PVR: variants seen among roughly 807,000 people sequenced by gnomAD.
PVR encodes PVR cell adhesion molecule.
A neutral mutation model predicts 43.3 loss-of-function variants in PVR; 39 were observed. That is an observed-to-expected ratio of 0.90 (90% CI 0.70 to 1.18). PVR has a LOEUF of 1.18. Ranked by LOEUF, PVR falls within the 50% of genes most tolerant of loss-of-function variation. The pLI is 0.00. For synonymous variants in PVR, 224 were observed against 233.2 expected (o/e 0.96, Z 0.36); for missense variants, 480 against 549.7 (o/e 0.87, Z 1.27).
intron 2 of PVR, among the ~76,000 whole-genome samples, chr19:44,649,218 G>T (rs1345131285): frequency 2.6e-5 from 4 of 152,042 alleles, no homozygotes; most frequent in Admixed American, 2.6e-4. Context: ...GGCTATTTTG[G>T]TCACTGCTGG....
At chr19:44,647,912 C>T (rs1973175951) in intron 2 of PVR, among the ~76,000 whole-genome samples, 1 of 151,986 alleles carries the variant, frequency 6.6e-6, no homozygotes, top group African/African-American at 2.4e-5. Flanking sequence ...CTTCTGGGTC[C>T]CTCCTTTCCT....
In PVR at chr19:44,664,869, C is replaced by T. The variant is rs930639362; in HGVS notation, c.*3058C>T. On this transcript the variant is annotated 3_prime_UTR_variant, in exon 8 of 8. Coordinates refer to ENST00000425690, the MANE Select transcript of PVR (RefSeq NM_006505.5). ...CTGGCCAATGCACACTGTCATTTAG[C>T]TCATGTTAACACCTGAGTGTAGGAC... 1.1e-4 allele frequency: 17 copies of T among 152,082 alleles called. No homozygotes were observed. The highest frequency in any genetic ancestry group is 4.1e-4 in the African/African-American group (17 of 41,412). The allele number at this position is 152,082 out of a possible 1,614,324, so 9.4% of individuals were successfully genotyped here.
chr19:44,654,045 G>A (rs1321320523), intron 4 of PVR, 28 bp downstream of exon 4: 3 of 1,549,908 alleles, frequency 1.9e-6, no homozygotes, highest in Non-Finnish European at 2.7e-6. Flanking sequence ...GGGAGGAGGG[G>A]CTGGGGGTCT....
Position 44,643,925 on chromosome 19 carries a change from G to T in PVR, c.-172G>T, listed in dbSNP as rs1972997005. 1 of 549,206 alleles carries T rather than the reference G, an allele frequency of 1.8e-6. No individual in the cohort carries two copies. Among genetic ancestry groups the T allele is most frequent in the Non-Finnish European group, 3.1e-6 (1 of 320,696 alleles). The allele number at this position is 549,206 out of a possible 1,614,324, so 34.0% of individuals were successfully genotyped here. ...CCTCCGCTCCAGTCACTTGTCTGGA[G>T]CTTGAAGAAGTGGGTATTCCCCTTC... On this transcript the variant is annotated 5_prime_UTR_variant, in exon 1 of 8. Coordinates refer to ENST00000425690, the MANE Select transcript of PVR (RefSeq NM_006505.5).
Position 44,663,952 on chromosome 19 carries a change from C to T in PVR, c.*2141C>T, listed in dbSNP as rs1053603556. Among the ~76,000 whole-genome samples the T allele has an allele frequency of 1.3e-5, 2 of 151,958 alleles. No homozygotes were observed. Among genetic ancestry groups the T allele is most frequent in the African/African-American group, 4.8e-5 (2 of 41,376 alleles). On this transcript the variant is annotated 3_prime_UTR_variant, in exon 8 of 8. Coordinates refer to ENST00000425690, the MANE Select transcript of PVR (RefSeq NM_006505.5). The stretch of plus-strand genomic sequence containing the variant: ...TTAATTAGATAGTACATAAACGTCC[C>T]AAAATTAGAAGATAAAAAGACATGA...
chr19:44,654,870 A>G (rs1316776201), intron 4 of PVR, among the ~76,000 whole-genome samples: 1 of 152,054 alleles, frequency 6.6e-6, no homozygotes, highest in Non-Finnish European at 1.5e-5. Flanking sequence ...TCTAGACTGT[A>G]ACCACCTCAC....
chr19:44,661,706 GC>G (rs1197921623), intron 7 of PVR, 33 bp from the exon 8 acceptor site: 1 of 1,597,650 alleles, frequency 6.3e-7, no homozygotes. Flanking sequence ...GTTCAAAAGA[GC>G]CCCAAGGCTA....
chr19:44,650,391 T>C (rs1160060697), intron 3 of PVR, among the ~76,000 whole-genome samples: 4 of 152,060 alleles, frequency 2.6e-5, no homozygotes, highest in Non-Finnish European at 5.9e-5. Flanking sequence ...CCTGACACTC[T>C]GTTGACTCCC....
intron 3 of PVR, 55 bp from the exon 4 acceptor site, chr19:44,653,845 C>T (rs111729675): frequency 6.4e-6 from 8 of 1,246,234 alleles, no homozygotes; most frequent in Non-Finnish European, 8.3e-6. Flanking sequence ...TCCCGCGTAG[C>T]CCCAGGCCCC....
rs150226709 is a variant in PVR, at chr19:44,648,593, G to A, written c.427+1023G>A. 7.9e-5 allele frequency among the ~76,000 whole-genome samples: 12 copies of A among 152,106 alleles called. No homozygotes were observed. In the East Asian group the frequency reaches 2.3e-3, roughly 29 times the overall value. ...CCTGGAACTCCTGGGCTCAAGGGAT[G>A]TTCCTACCCTCCCTGTAGCTGGAAT... On this transcript the variant is annotated intron_variant, in intron 2 of 7. Transcript: ENST00000425690.
At chr19:44,659,554 C>T (rs1012606013) in intron 6 of PVR, among the ~76,000 whole-genome samples, 1 of 152,178 alleles carries the variant, frequency 6.6e-6, no homozygotes, top group African/African-American at 2.4e-5. Context: ...GCGATCTCGG[C>T]TCACTGTAGC....
At chr19:44,644,926 C>A (rs1973036264) in intron 1 of PVR, among the ~76,000 whole-genome samples, 1 of 136,846 alleles carries the variant, frequency 7.3e-6, no homozygotes, top group African/African-American at 2.8e-5. Flanking sequence ...CCATGTTGGC[C>A]AGGCTGGTCT....
At chr19:44,655,297 C>T (rs947148471) in intron 4 of PVR, among the ~76,000 whole-genome samples, 1 of 152,102 alleles carries the variant, frequency 6.6e-6, no homozygotes, top group Non-Finnish European at 1.5e-5. Context: ...CCACATTGCC[C>T]AGGCTGGTCT....
intron 3 of PVR, among the ~76,000 whole-genome samples, chr19:44,650,537 C>T (rs1973253433): frequency 6.6e-6 from 1 of 151,686 alleles, no homozygotes; most frequent in Admixed American, 6.6e-5. Flanking sequence ...TCTACACCCA[C>T]TCCCTTGTCC....
rs1401115431 is a variant in PVR at position 44,647,397 on chromosome 19, G to C, written c.254G>C (p.Ser85Thr). ...GTCTTCCACCAAACGCAGGGCCCCA[G>C]CTATTCGGAGTCCAAACGGCTGGAA... Reference protein sequence around the residue: ...MAVFHQTQGPSYSESKRLEFV... With the variant: ...MAVFHQTQGPTYSESKRLEFV... The change falls in exon 2 of 8, where the codon AGC becomes ACC. Residue 85 changes from serine (S) to threonine (T), a missense_variant. By Grantham distance (58) the Ser-to-Thr change is moderately conservative (BLOSUM62 1). Transcript: ENST00000425690. 4.3e-6 allele frequency: 7 copies of C among 1,614,086 alleles called. No homozygotes were observed. Among genetic ancestry groups the C allele is most frequent in the Non-Finnish European group, 5.9e-6 (7 of 1,179,996 alleles).
At chr19:44,657,456 G>T (rs1378767411) in intron 4 of PVR, among the ~76,000 whole-genome samples, 1 of 152,206 alleles carries the variant, frequency 6.6e-6, no homozygotes, top group Non-Finnish European at 1.5e-5. Flanking sequence ...GGGGGCGAGG[G>T]CAGAAACGGA....
chr19:44,650,353 G>T (rs147407890), intron 3 of PVR, among the ~76,000 whole-genome samples: 1 of 152,022 alleles, frequency 6.6e-6, no homozygotes, highest in Non-Finnish European at 1.5e-5. Context: ...GTCTGCCCTG[G>T]CTCCTCTAGC....
At chr19:44,647,077 T>TACCCCCCCCCCCCCCCCC in intron 1 of PVR, 146 bp from the exon 2 acceptor site, 2 of 311,374 alleles carry the variant, frequency 6.4e-6, no homozygotes, top group Non-Finnish European at 1.1e-5. Context: ...GTGCCCCAGT[T>TACCCCCCCCCCCCCCCCC]CCCCCTCCCC....
At chr19:44,658,986 A>T in intron 6 of PVR, 86 bp downstream of exon 6, 1 of 1,325,378 alleles carries the variant, frequency 7.5e-7, no homozygotes, top group Non-Finnish European at 1.1e-6. Flanking sequence ...CTGAATCCTC[A>T]CCCCACTGCC....
Sources: allele counts gnomAD v4.1 joint callset (sites outside exome capture counted in the v4.1 genomes callset), GRCh38; gene constraint gnomAD v4.1.1; transcripts MANE v1.5; gene names NCBI Gene and HGNC (gene_info 2026-07-23, HGNC 2026-07-21).